Variants in AK4 observed in about 807,000 individuals in gnomAD.
AK4 encodes adenylate kinase 4.
AK4 carries 13 observed loss-of-function variants against 24.6 expected under a neutral mutation model. The observed-to-expected ratio is 0.53, with a 90% CI of 0.34 to 0.84. The LOEUF (loss-of-function observed/expected upper bound fraction) is 0.84. Ranked by LOEUF, AK4 falls within the 40% of genes least tolerant of loss-of-function variation. AK4 has a pLI of 0.01. For missense variants in AK4, 192 were observed against 288.2 expected, an observed-to-expected ratio of 0.67 and a Z score of 2.42; for synonymous variants, 88 against 107.0, an observed-to-expected ratio of 0.82 and a Z score of 1.10.
intron 2 of AK4, among the ~76,000 whole-genome samples, chr1:65,202,025 G>A (rs1312890996): frequency 6.6e-6 from 1 of 152,038 alleles, no homozygotes; most frequent in Non-Finnish European, 1.5e-5. Context: ...AAATGAGGGG[G>A]AGTTAAAAGT....
chr1:65,195,520 G>A (rs1159760793), intron 2 of AK4, among the ~76,000 whole-genome samples: 3 of 152,136 alleles, frequency 2.0e-5, no homozygotes, highest in Non-Finnish European at 4.4e-5. Context: ...TGTTTAAAAA[G>A]GATCATCTGT....
rs181647592 is a variant in AK4 at position 65,200,820 on chromosome 1, C to T, written c.265+9991C>T. Among the ~76,000 whole-genome samples, 862 of 148,220 alleles carry T rather than the reference C, an allele frequency of 5.8e-3. 5 individuals are homozygous for T. The highest frequency in any genetic ancestry group is 0.016 in the African/African-American group (628 of 40,172). On this transcript the variant is annotated intron_variant, in intron 2 of 4. Transcript: ENST00000327299. Reference sequence around the variant, plus strand: ...TGGGTTTTGTTTTTTTTTTTTGAGACGGAGTCTCGCTCTGTCCCAGGCTGA... The same window carrying T: ...TGGGTTTTGTTTTTTTTTTTTGAGATGGAGTCTCGCTCTGTCCCAGGCTGA...
chr1:65,178,056 G>A (rs956546178), intron 1 of AK4, among the ~76,000 whole-genome samples: 3 of 152,254 alleles, frequency 2.0e-5, no homozygotes, highest in African/African-American at 7.2e-5. Context: ...AAAAAGTAAG[G>A]TATGGTAAAG....
At chr1:65,218,389 T>C (rs1026936574) in intron 2 of AK4, among the ~76,000 whole-genome samples, 1 of 152,232 alleles carries the variant, frequency 6.6e-6, no homozygotes, top group Non-Finnish European at 1.5e-5. Flanking sequence ...ATTTTTAGTT[T>C]AGCGCATTTT....
intron 1 of AK4, among the ~76,000 whole-genome samples, chr1:65,188,319 C>A (rs989931144): frequency 6.6e-6 from 1 of 151,720 alleles, no homozygotes; most frequent in Non-Finnish European, 1.5e-5. Flanking sequence ...CGCTTGAACC[C>A]GGGAGGCAGA....
intron 3 of AK4, among the ~76,000 whole-genome samples, chr1:65,221,000 G>T (rs575202165): frequency 6.6e-6 from 1 of 152,216 alleles, no homozygotes; most frequent in Non-Finnish European, 1.5e-5. Flanking sequence ...ACTAGGGAAG[G>T]CTAAAGGAAT....
At chr1:65,187,347 C>CAAAAAA (rs150840960) in intron 1 of AK4, among the ~76,000 whole-genome samples, 2 of 66,884 alleles carry the variant, frequency 3.0e-5, no homozygotes, top group African/African-American at 5.3e-5. Context: ...GACTCCGTCT[C>CAAAAAA]AAAAAAAAAA....
At chr1:65,183,435 G>A (rs1650975377) in intron 1 of AK4, among the ~76,000 whole-genome samples, 1 of 151,956 alleles carries the variant, frequency 6.6e-6, no homozygotes, top group African/African-American at 2.4e-5. Context: ...TATTTTTGGG[G>A]GTTTTGCCAT....
chr1:65,218,105 A>C (rs953769149), intron 2 of AK4, among the ~76,000 whole-genome samples: 3 of 152,204 alleles, frequency 2.0e-5, no homozygotes, highest in African/African-American at 7.2e-5. Flanking sequence ...CCATGCTGTT[A>C]ATCAGATTGC....
chr1:65,193,625 G>C (rs949374777), intron 2 of AK4, among the ~76,000 whole-genome samples: 1 of 152,190 alleles, frequency 6.6e-6, no homozygotes, highest in African/African-American at 2.4e-5. Flanking sequence ...GGTGTGGGAA[G>C]GGATTGGTTC....
intron 1 of AK4, among the ~76,000 whole-genome samples, chr1:65,160,340 C>T (rs1324728314): frequency 6.6e-6 from 1 of 152,182 alleles, no homozygotes; most frequent in African/African-American, 2.4e-5. Flanking sequence ...TTGACTGCTT[C>T]CAAGGTTGCA....
At chr1:65,190,503 A>G (rs1370484426) in intron 1 of AK4, among the ~76,000 whole-genome samples, 1 of 151,736 alleles carries the variant, frequency 6.6e-6, no homozygotes. Context: ...AGCTGCTTTT[A>G]TAATTTTTTG....
intron 4 of AK4, among the ~76,000 whole-genome samples, chr1:65,225,334 G>C (rs920757210): frequency 3.9e-5 from 6 of 152,144 alleles, no homozygotes; most frequent in Non-Finnish European, 8.8e-5. Context: ...GCAGGGGCTA[G>C]GGCAGGTATT....
chr1:65,220,415 C>T (rs984548970), intron 3 of AK4, among the ~76,000 whole-genome samples: 3 of 152,266 alleles, frequency 2.0e-5, no homozygotes, highest in East Asian at 1.9e-4. Flanking sequence ...AGATTTCAGC[C>T]GTTCTGCTAG....
At chr1:65,182,793 G>C (rs1650954397) in intron 1 of AK4, among the ~76,000 whole-genome samples, 1 of 152,200 alleles carries the variant, frequency 6.6e-6, no homozygotes, top group Non-Finnish European at 1.5e-5. Flanking sequence ...TTGGCTGGCA[G>C]ATTCATTGTT....
intron 2 of AK4, among the ~76,000 whole-genome samples, chr1:65,206,107 T>C (rs1651803675): frequency 6.6e-6 from 1 of 152,198 alleles, no homozygotes; most frequent in African/African-American, 2.4e-5. Context: ...ATTATTATAA[T>C]GTGACATTAT....
chr1:65,210,755 A>C (rs1651949450), intron 2 of AK4, among the ~76,000 whole-genome samples: 2 of 151,730 alleles, frequency 1.3e-5, no homozygotes, highest in African/African-American at 4.8e-5. Context: ...CATTGCCTTC[A>C]TTTTTTCCCA....
chr1:65,225,339 G>T (rs1652420695), intron 4 of AK4, among the ~76,000 whole-genome samples: 2 of 152,154 alleles, frequency 1.3e-5, no homozygotes, highest in African/African-American at 2.4e-5. Flanking sequence ...GGCTAGGGCA[G>T]GTATTGGAAA....
intron 2 of AK4, among the ~76,000 whole-genome samples, chr1:65,216,307 A>G (rs1553127477): frequency 6.6e-6 from 1 of 151,956 alleles, no homozygotes; most frequent in Non-Finnish European, 1.5e-5. Context: ...TAATTTTTGT[A>G]TTTTTAGTAG....
Sources: allele counts gnomAD v4.1 joint callset (sites outside exome capture counted in the v4.1 genomes callset), GRCh38; gene constraint gnomAD v4.1.1; transcripts MANE v1.5; gene names NCBI Gene and HGNC (gene_info 2026-07-23, HGNC 2026-07-21).